AGBL1: variants seen among roughly 807,000 people sequenced by gnomAD.
AGBL1 encodes the protein cytosolic carboxypeptidase 4.
In AGBL1, 130 loss-of-function variants were observed where a neutral mutation model predicts 118.9. That is an observed-to-expected ratio of 1.09 (90% confidence interval 0.95 to 1.26). The LOEUF (loss-of-function observed/expected upper bound fraction) is 1.26, where lower values mean the gene tolerates loss of function less well. Ranked by LOEUF, AGBL1 falls within the 50% of genes most tolerant of loss-of-function variation. The probability of loss-of-function intolerance (pLI) is 0.00; values close to 1 mark genes in which losing one functional copy is unlikely to be tolerated. For missense variants in AGBL1, 1,584 were observed against 1,298.1 expected, an observed-to-expected ratio of 1.22 and a Z score of -3.38; for synonymous variants, 555 against 478.9, an observed-to-expected ratio of 1.16 and a Z score of -2.08.
chr15:86,925,720 C>CTTTTTTTTTTTTTTTTTTT (rs375125663), intron 23 of AGBL1, among the ~76,000 whole-genome samples: 5 of 131,970 alleles, frequency 3.8e-5, no homozygotes, highest in African/African-American at 5.6e-5. Context: ...TTTTTCTTTT[C>CTTTTTTTTTTTTTTTTTTT]TTTTTTTTTT....
intron 21 of AGBL1, among the ~76,000 whole-genome samples, chr15:86,600,909 A>G (rs1567078090): frequency 6.6e-6 from 1 of 152,172 alleles, no homozygotes; most frequent in Non-Finnish European, 1.5e-5. Context: ...TACTAATTTA[A>G]TCAAGGCAGA....
chr15:86,103,043 A>G (rs972834948), intron 1 of AGBL1, among the ~76,000 whole-genome samples: 1 of 151,822 alleles, frequency 6.6e-6, no homozygotes, highest in African/African-American at 2.4e-5. Context: ...TTTTCCAAAG[A>G]CCTGTTTTCA....
chr15:86,336,641 A>C (rs2080373709), intron 17 of AGBL1, among the ~76,000 whole-genome samples: 2 of 152,184 alleles, frequency 1.3e-5, no homozygotes, highest in South Asian at 4.1e-4. Flanking sequence ...TTGGCTGGAC[A>C]CTTTCCAGCT....
intron 6 of AGBL1, among the ~76,000 whole-genome samples, chr15:86,225,322 G>T (rs528487672): frequency 9.9e-5 from 15 of 152,206 alleles, no homozygotes; most frequent in Admixed American, 7.9e-4. Flanking sequence ...CCAGGTTCCA[G>T]TGGGATTGCC....
intron 1 of AGBL1, among the ~76,000 whole-genome samples, chr15:86,081,669 A>G (rs1869291124): frequency 1.3e-5 from 2 of 152,256 alleles, no homozygotes; most frequent in Admixed American, 6.5e-5. Context: ...AGGTACAATA[A>G]GCTGACATTC....
At chr15:86,976,455 G>A (rs947669583) in intron 23 of AGBL1, among the ~76,000 whole-genome samples, 2 of 151,728 alleles carry the variant, frequency 1.3e-5, no homozygotes, top group African/African-American at 2.4e-5. Context: ...TTTAACTAAA[G>A]CTTATTGTTG....
chr15:86,534,246 T>C (rs1348054091), intron 19 of AGBL1, among the ~76,000 whole-genome samples: 1 of 151,092 alleles, frequency 6.6e-6, no homozygotes, highest in Non-Finnish European at 1.5e-5. Context: ...AAGGCCCATG[T>C]GAGCTTTGAT....
chr15:86,948,982 A>G lies in AGBL1; in HGVS notation c.3222-39005A>G, dbSNP rs561686014. On this transcript the variant is annotated intron_variant, in intron 23 of 24. Coordinates refer to the AGBL1 transcript ENST00000441037. ...ACTGCTCTCGTGCTACAACAGTGGA[A>G]CTGAATAGTAGTGACAGGAACTGTG... 7.9e-5 allele frequency among the ~76,000 whole-genome samples: 12 copies of G among 152,326 alleles called. 1 individual carries two copies. The South Asian group carries it at 2.5e-3, about 32-fold the overall frequency.
rs112314210 is a variant in AGBL1 at position 86,686,997 on chromosome 15, A to G, written c.3158+12561A>G. ...ACCACTACTCCCATTTGAACAGTGG[A>G]TGTGGTTTTGTAAAATCATTCATCT... On this transcript the variant is annotated intron_variant, in intron 22 of 22. Transcript: ENST00000614907. 4.3e-4 allele frequency among the ~76,000 whole-genome samples: 66 copies of G among 152,210 alleles called. 2 individuals are homozygous for G. The highest frequency in any genetic ancestry group is 1.5e-3 in the African/African-American group (64 of 41,546).
intron 21 of AGBL1, among the ~76,000 whole-genome samples, chr15:86,661,208 A>G (rs563048866): frequency 5.3e-5 from 8 of 152,070 alleles, no homozygotes; most frequent in Non-Finnish European, 1.2e-4. Flanking sequence ...TACGCATAAG[A>G]TCATTGGGGA....
intron 5 of AGBL1, among the ~76,000 whole-genome samples, chr15:86,180,033 T>A (rs1311828195): frequency 2.1e-5 from 3 of 145,246 alleles, no homozygotes; most frequent in African/African-American, 7.3e-5. Context: ...AAAACAATGT[T>A]GAAACAAATG....
At chr15:86,927,908 G>C (rs563288096) in intron 23 of AGBL1, among the ~76,000 whole-genome samples, 4 of 149,188 alleles carry the variant, frequency 2.7e-5, no homozygotes, top group Non-Finnish European at 4.4e-5. Flanking sequence ...CTACTTCAAG[G>C]ACAGCAAATT....
At chr15:86,770,303 A>C (rs749259189) in intron 22 of AGBL1, among the ~76,000 whole-genome samples, 2 of 151,888 alleles carry the variant, frequency 1.3e-5, no homozygotes, top group Non-Finnish European at 2.9e-5. Flanking sequence ...TGGTCCCTCC[A>C]TGGGGTTGAT....
At chr15:86,837,873 G>C (rs1211021771) in intron 22 of AGBL1, among the ~76,000 whole-genome samples, 4 of 152,186 alleles carry the variant, frequency 2.6e-5, no homozygotes, top group Non-Finnish European at 5.9e-5. Context: ...CTCTTGCTAA[G>C]AGACACTTAG....
intron 21 of AGBL1, among the ~76,000 whole-genome samples, chr15:86,633,848 G>GTA (rs1184616738): frequency 0.22 from 8,779 of 39,656 alleles, 340 homozygotes; most frequent in African/African-American, 0.28. Context: ...TATATATAAT[G>GTA]TATATATATA....
At chr15:86,856,288 G>A (rs1437753839) in intron 22 of AGBL1, among the ~76,000 whole-genome samples, 1 of 152,180 alleles carries the variant, frequency 6.6e-6, no homozygotes, top group Admixed American at 6.5e-5. Flanking sequence ...AGTGTGCTTA[G>A]AAGCAGGGCT....
At chr15:86,542,063 G>A (rs374002475) in intron 19 of AGBL1, among the ~76,000 whole-genome samples, 9 of 152,288 alleles carry the variant, frequency 5.9e-5, no homozygotes, top group African/African-American at 1.4e-4. Context: ...GTTAGCTTGC[G>A]CAGCTGGAAG....
At chr15:86,225,037 T>TG (rs1383403358) in intron 6 of AGBL1, 86 bp downstream of exon 6, 2 of 1,323,122 alleles carry the variant, frequency 1.5e-6, no homozygotes, top group Non-Finnish European at 2.1e-6. Context: ...CTGTTTCTTT[T>TG]TTTTTTTTTT....
chr15:86,136,509 G>A (rs780904493), intron 1 of AGBL1, among the ~76,000 whole-genome samples: 6 of 152,140 alleles, frequency 3.9e-5, no homozygotes, highest in Non-Finnish European at 8.8e-5. Flanking sequence ...AATGGGGGCT[G>A]GGAAGGCAGG....
Sources: gnomAD v4.1 joint callset for allele counts (sites outside exome capture counted in the v4.1 genomes callset) on GRCh38, gnomAD v4.1.1 for gene constraint, MANE v1.5 for transcripts, NCBI Gene and HGNC (gene_info 2026-07-23, HGNC 2026-07-21) for gene names.